The following ATP1A2 variants were observed in gnomAD, a reference collection of about 807,000 sequenced individuals.
ATP1A2 encodes the protein ATPase Na+/K+ transporting subunit alpha 2.
Under a neutral mutation model 113.1 loss-of-function variants are expected in ATP1A2, and 56 were observed. The observed-to-expected ratio is 0.49, with a 90% CI of 0.40 to 0.62. ATP1A2 has a LOEUF of 0.62. Ranked by LOEUF, ATP1A2 falls within the 20% of genes least tolerant of loss-of-function variation. The pLI, the probability that ATP1A2 is intolerant of heterozygous loss-of-function variation, is 0.00. For synonymous variants in ATP1A2, 490 were observed against 526.8 expected (o/e 0.93, Z 0.96); for missense variants, 712 against 1,357.8 (o/e 0.52, Z 7.47).
intron 6 of ATP1A2, 51 bp from the exon 7 acceptor site, chr1:160,125,085 G>A (rs1651542898): frequency 1.4e-6 from 2 of 1,455,104 alleles, no homozygotes; most frequent in African/African-American, 2.8e-5. Context: ...ACAGCTGTGT[G>A]CATACAAGTG....
Position 160,136,298 on chromosome 1 carries a change from C to T in ATP1A2, c.2491C>T (p.Arg831Trp), listed in dbSNP as rs1570995030. ...GGCAGCTGAGAGTGATATCATGAAG[C>T]GGCAGCCACGAAACTCCCAGACGGA... ...YEAAESDIMK[R>W]QPRNSQTDKL... Residue 831 changes from arginine to tryptophan, a missense_variant, in exon 18 of 23, where the codon CGG becomes TGG. By Grantham distance (101) the Arg-to-Trp change is moderately radical. Coordinates refer to ENST00000361216, the MANE Select transcript of ATP1A2 (RefSeq NM_000702.4). 4 of 1,614,158 alleles carry T rather than the reference C, an allele frequency of 2.5e-6. No homozygotes were observed. The highest frequency in any genetic ancestry group is 2.5e-6 in the Non-Finnish European group (3 of 1,180,030).
chr1:160,130,052 GCTACCAA>G, intron 11 of ATP1A2, 43 bp from the exon 12 acceptor site: 1 of 1,611,158 alleles, frequency 6.2e-7, no homozygotes, highest in Non-Finnish European at 8.5e-7. Context: ...TCTATGCCGC[GCTACCAA>G]GACAAGTATG....
intron 1 of ATP1A2, among the ~76,000 whole-genome samples, chr1:160,117,809 G>A (rs755875072): frequency 2.7e-4 from 41 of 152,160 alleles, no homozygotes; most frequent in Non-Finnish European, 4.7e-4. Flanking sequence ...CAGCTACCAC[G>A]GAGAGGCTGA....
At chr1:160,134,717 G>T in intron 14 of ATP1A2, 97 bp downstream of exon 14, 1 of 1,576,550 alleles carries the variant, frequency 6.3e-7, no homozygotes, top group Non-Finnish European at 8.7e-7. Flanking sequence ...AGCATTTCTG[G>T]GACCTTTATA....
chr1:160,134,052 CAT>C (rs1376897676), intron 13 of ATP1A2, among the ~76,000 whole-genome samples: 3 of 151,062 alleles, frequency 2.0e-5, no homozygotes, highest in Non-Finnish European at 4.4e-5. Context: ...CACACACACA[CAT>C]AGACACACAC....
chr1:160,137,217 A>G, intron 20 of ATP1A2, 186 bp downstream of exon 20: 1 of 950,640 alleles, frequency 1.1e-6, no homozygotes, highest in East Asian at 2.7e-5. Context: ...CAGGCTCCTA[A>G]TTTTGCATTT....
intron 3 of ATP1A2, 25 bp downstream of exon 3, chr1:160,121,276 G>A: frequency 1.2e-6 from 2 of 1,613,796 alleles, no homozygotes; most frequent in Non-Finnish European, 1.7e-6. Context: ...TTCTAGGGAA[G>A]GAACAAAAGA....
chr1:160,120,456 T>C (rs1205117307), intron 1 of ATP1A2, among the ~76,000 whole-genome samples: 1 of 152,076 alleles, frequency 6.6e-6, no homozygotes, highest in East Asian at 1.9e-4. Flanking sequence ...CTAAGTAAAA[T>C]TGCCATGGTG....
intron 3 of ATP1A2, among the ~76,000 whole-genome samples, chr1:160,121,777 T>G (rs1054839622): frequency 1.3e-5 from 2 of 152,244 alleles, no homozygotes; most frequent in African/African-American, 4.8e-5. Flanking sequence ...CAAGGTCACA[T>G]GAACAGTAAC....
chr1:160,131,028 G>T (rs1651754893), intron 13 of ATP1A2, among the ~76,000 whole-genome samples: 1 of 152,060 alleles, frequency 6.6e-6, no homozygotes, highest in African/African-American at 2.4e-5. Context: ...CCCACTCAAG[G>T]TTCTCTTGTT....
intron 6 of ATP1A2, 25 bp from the exon 7 acceptor site, chr1:160,125,111 T>G: frequency 6.2e-7 from 1 of 1,600,846 alleles, no homozygotes. Flanking sequence ...GCCAGTCTGA[T>G]GACTATGCAC....
Position 160,141,867 on chromosome 1 carries a change from C to A in ATP1A2, c.*545C>A. ...GGAAAAGGTGGACTTGTCTCCCAGT[C>A]GAGGCTGGTAAGGGACCTTCAGGGA... On this transcript the variant is annotated 3_prime_UTR_variant, in exon 23 of 23. Transcript: ENST00000361216. 6.1e-6 allele frequency: 1 copy of A among 163,560 alleles called. No homozygotes were observed. The highest frequency in any genetic ancestry group is 1.4e-5 in the Non-Finnish European group (1 of 73,960). 10.1% of individuals were successfully genotyped at this position (163,560 alleles called of 1,614,324 possible). A position where few individuals can be genotyped will look rare whatever the true frequency, so the allele number is the denominator to read the frequency against.
In ATP1A2 at chr1:160,135,062, G is replaced by A. The variant is rs548000059; in HGVS notation, c.1965-83G>A. 16 of 1,582,998 alleles carry A rather than the reference G, an allele frequency of 1.0e-5. No individual in the cohort carries two copies. The African/African-American group carries it at 2.0e-4, about 20-fold the overall frequency. On this transcript the variant is annotated intron_variant, in intron 14 of 22. Coordinates refer to ENST00000361216, the MANE Select transcript of ATP1A2 (RefSeq NM_000702.4). The surrounding 1 kb of genome is among the most constrained non-coding windows in gnomAD (Gnocchi z 6.3). ...AGGCTCAGCAGGGAGCCTGCAGGCTGCGGTGGTGAAGAGAGGCAGGGGGCA... is the reference window on the plus strand; with the variant it reads ...AGGCTCAGCAGGGAGCCTGCAGGCTACGGTGGTGAAGAGAGGCAGGGGGCA...
chr1:160,137,291 ACTTGAGTGC>A, intron 20 of ATP1A2: 20 of 518,924 alleles, frequency 3.9e-5, no homozygotes, highest in East Asian at 1.9e-4. Context: ...CCCATCTCCT[ACTTGAGTGC>A]CACCTGCTCC....
chr1:160,123,565 C>T (rs1651489704), intron 4 of ATP1A2, 149 bp downstream of exon 4: 1 of 957,602 alleles, frequency 1.0e-6, no homozygotes, highest in African/African-American at 1.6e-5. Context: ...GGAGAGGCTT[C>T]TATATATATC....
At chr1:160,131,042 C>T (rs576858616) in intron 13 of ATP1A2, among the ~76,000 whole-genome samples, 8 of 152,284 alleles carry the variant, frequency 5.3e-5, no homozygotes, top group African/African-American at 1.9e-4. Context: ...TCTTGTTCAA[C>T]TACAATTGCT....
Position 160,136,902 on chromosome 1 carries a change from C to G in ATP1A2, c.2711C>G (p.Thr904Ser), listed in dbSNP as rs746371415. 1.9e-6 allele frequency: 3 copies of G among 1,614,100 alleles called. No homozygotes were observed. The African/African-American group carries it at 4.0e-5, about 22-fold the overall frequency. ...DLEDSYGQEW[T>S]YEQRKVVEFT... ...TGTCTCTGCCCACCCTCCCTCCAGA[C>G]CTATGAGCAGCGGAAGGTGGTGGAG... The change falls in exon 20 of 23, where the codon ACC (threonine) becomes AGC (serine). Residue 904 changes from threonine to serine, a missense_variant and splice_region_variant. Physicochemically the swap from Thr to Ser is moderately conservative, Grantham distance 58. This residue lies in a region of ATP1A2 where 188 missense variants were observed against 438.9 expected (regional missense o/e 0.43). Coordinates refer to ENST00000361216, the MANE Select transcript of ATP1A2 (RefSeq NM_000702.4).
intron 3 of ATP1A2, 60 bp downstream of exon 3, chr1:160,121,311 G>C: frequency 1.3e-6 from 2 of 1,585,882 alleles, no homozygotes; most frequent in Admixed American, 3.3e-5. Context: ...GCAGCATCAA[G>C]GTGGCAGGAG....
chr1:160,135,584 G>A lies in ATP1A2; in HGVS notation c.2266G>A (p.Val756Ile), dbSNP rs777895941. Residue 756 changes from valine to isoleucine, a missense_variant, in exon 16 of 23, where the codon GTC (valine) becomes ATC (isoleucine). Val to Ile is a conservative substitution (Grantham distance 29). Around this residue, in one of 6 missense-constraint regions of ATP1A2, gnomAD observed 188 missense variants for 438.9 expected, o/e 0.43. Transcript: ENST00000361216. This position sits in a 1 kb window ranked among gnomAD's most constrained non-coding sequence, Gnocchi z 6.3. ...GCTGGATGACAACTTTGCCTCCATC[G>A]TCACGGGGGTGGAGGAGGGTGAGGA... ...ILLDDNFASI[V>I]TGVEEGRLIF... is the part of the protein sequence containing the mutation. 5.6e-6 allele frequency: 9 copies of A among 1,614,042 alleles called. No homozygotes were observed. The highest frequency in any genetic ancestry group is 1.1e-5 in the South Asian group (1 of 91,078).
Sources: allele counts gnomAD v4.1 joint callset (sites outside exome capture counted in the v4.1 genomes callset), GRCh38; gene constraint gnomAD v4.1.1; regional missense constraint gnomAD v4.1.1; non-coding constraint Gnocchi (gnomAD v3.1); transcripts MANE v1.5; gene names NCBI Gene and HGNC (gene_info 2026-07-23, HGNC 2026-07-21).